FGF16: variants seen among roughly 807,000 people sequenced by gnomAD.
FGF16 encodes the protein fibroblast growth factor 16.
In FGF16, 2 loss-of-function variants were observed where a neutral mutation model predicts 8.5. The ratio of observed to expected loss-of-function variants is 0.24; its 90% confidence interval spans 0.10 to 0.75. FGF16 has a LOEUF of 0.75. FGF16 is among the 30% of genes least tolerant of loss of function. The probability of loss-of-function intolerance (pLI) is 0.74; values close to 1 mark genes in which losing one functional copy is unlikely to be tolerated. For synonymous variants in FGF16, 33 were observed against 34.6 expected (o/e 0.95, Z 0.16); for missense variants, 79 against 87.4 (o/e 0.90, Z 0.38).
chrX:77,448,284 C>G (rs2062547091), intron 1 of FGF16, among the ~76,000 whole-genome samples: 1 of 112,662 alleles, frequency 8.9e-6, no homozygotes, highest in African/African-American at 3.2e-5. Context: ...GAGCTCTCGC[C>G]TAGGAGGCCG....
chrX:77,447,593 G>A lies in FGF16; in HGVS notation c.-82G>A, dbSNP rs1327879341. The A allele has an allele frequency of 4.4e-5, 13 of 292,624 alleles. No homozygotes were observed. The highest frequency in any genetic ancestry group is 1.2e-5 in the Non-Finnish European group (2 of 167,545). 24.1% of individuals were successfully genotyped at this position (292,624 alleles called of 1,213,427 possible). A position where few individuals can be genotyped will look rare whatever the true frequency, so the allele number is the denominator to read the frequency against. ...CGCCGCCGAACCGCCCGCGCCCGCT[G>A]CGGGGAGAGGCAGTTCGCGCCCCGT... is the stretch of plus-strand genomic sequence containing the variant. On this transcript the variant is annotated 5_prime_UTR_variant, in exon 1 of 3. Coordinates refer to ENST00000439435, the MANE Select transcript of FGF16 (RefSeq NM_003868.3).
At chrX:77,454,286 T>TG in intron 2 of FGF16, 26 bp downstream of exon 2, 2 of 803,203 alleles carry the variant, frequency 2.5e-6, no homozygotes, top group Non-Finnish European at 3.4e-6. Context: ...TTTTTTTTTT[T>TG]TTTTTTTTTT....
In FGF16 at chrX:77,456,142, C is replaced by A. The variant is rs1291547675; in HGVS notation, c.379-135C>A. The A allele has an allele frequency of 1.6e-5, 9 of 553,842 alleles. No individual in the cohort carries two copies. The African/African-American group carries it at 1.8e-4, about 11-fold the overall frequency. The allele number at this position is 553,842 out of a possible 1,213,427, so 45.6% of individuals were successfully genotyped here. A position where few individuals can be genotyped will look rare whatever the true frequency, so the allele number is the denominator to read the frequency against. On this transcript the variant is annotated intron_variant, in intron 2 of 2. Transcript: ENST00000439435. ...GTGCTATTTGGAAGAAAGTTACCTC[C>A]AGTAATACAGAGAGATAGGACTGGA...
chrX:77,454,782 A>G (rs995198885), intron 2 of FGF16, among the ~76,000 whole-genome samples: 4 of 104,969 alleles, frequency 3.8e-5, no homozygotes, highest in Non-Finnish European at 7.8e-5. Context: ...GGCCCCCACC[A>G]AAACAAGCTT....
In FGF16 at chrX:77,456,722, G is replaced by A. The variant is rs1452950647; in HGVS notation, c.*200G>A. 3 of 391,477 alleles carry A rather than the reference G, an allele frequency of 7.7e-6. No homozygotes were observed. Among genetic ancestry groups the A allele is most frequent in the African/African-American group, 2.5e-5 (1 of 39,394 alleles). The allele number at this position is 391,477 out of a possible 1,213,427, so 32.3% of individuals were successfully genotyped here. ...TGGGTTATTTTGGGGAGGGATGGGG[G>A]GCTGGGCTCGAGGGAATCTTGTATA... On this transcript the variant is annotated 3_prime_UTR_variant, in exon 3 of 3. Transcript: ENST00000439435.
In FGF16 at chrX:77,447,518, A is replaced by G. The variant is rs988638596; in HGVS notation, c.-157A>G. Reference sequence around the variant, plus strand: ...TGAGAAGTTCCTTGGACGCGAACAGACGTCGACTGCAGCTCGGCAGAGCGC... The same window carrying G: ...TGAGAAGTTCCTTGGACGCGAACAGGCGTCGACTGCAGCTCGGCAGAGCGC... On this transcript the variant is annotated 5_prime_UTR_variant, in exon 1 of 3. Transcript: ENST00000439435. 17 of 281,240 alleles carry G rather than the reference A, an allele frequency of 6.0e-5. No homozygotes were observed. Among genetic ancestry groups the G allele is most frequent in the African/African-American group, 3.9e-4 (14 of 35,881 alleles). The allele number at this position is 281,240 out of a possible 1,213,427, so 23.2% of individuals were successfully genotyped here.
At chrX:77,452,173 C>A (rs2062558901) in intron 1 of FGF16, among the ~76,000 whole-genome samples, 1 of 112,121 alleles carries the variant, frequency 8.9e-6, no homozygotes, top group Non-Finnish European at 1.9e-5. Context: ...GCTGGAGCCA[C>A]TCCATTTTTC....
At chrX:77,448,122 C>A (rs2062546472) in intron 1 of FGF16, among the ~76,000 whole-genome samples, 174 bp downstream of exon 1, 1 of 113,512 alleles carries the variant, frequency 8.8e-6, no homozygotes, top group Non-Finnish European at 1.9e-5. Flanking sequence ...GGGCCCTGCA[C>A]CCTCGGACAC....
At position 77,447,427 on chromosome X, in the gene FGF16, C is replaced by A. The variant is rs901400429; in HGVS notation, c.-248C>A. ...TATGAGAGGCCGGGGGAGATGGATG[C>A]GGAGGGGAAGAGGCACTTTGACTGA... On this transcript the variant is annotated 5_prime_UTR_variant, in exon 1 of 3. Transcript: ENST00000439435. 0.24 allele frequency: 61,731 copies of A among 253,835 alleles called. 5,798 individuals carry two copies. The highest frequency in any genetic ancestry group is 0.31 in the African/African-American group (10,566 of 34,584). The allele number at this position is 253,835 out of a possible 1,213,427, so 20.9% of individuals were successfully genotyped here. A position where few individuals can be genotyped will look rare whatever the true frequency, so the allele number is the denominator to read the frequency against.
In FGF16 at chrX:77,447,687, G is replaced by A. The variant is rs1366904951; in HGVS notation, c.13G>A (p.Gly5Arg). The change falls in exon 1 of 3, where the codon GGG (glycine) becomes AGG (arginine). Residue 5 changes from glycine to arginine, a missense_variant. By Grantham distance (125) the Gly-to-Arg change is moderately radical. Transcript: ENST00000439435. The part of the protein sequence containing the change: MAEV[G>R]GVFASLDWDL... ...AATCGGCCCAGCCATGGCAGAGGTG[G>A]GGGGCGTCTTCGCCTCCTTGGACTG... The A allele has an allele frequency of 1.4e-5, 4 of 295,522 alleles. No homozygotes were observed. The highest frequency in any genetic ancestry group is 2.4e-5 in the Non-Finnish European group (4 of 169,726). The allele number at this position is 295,522 out of a possible 1,213,427, so 24.4% of individuals were successfully genotyped here.
At chrX:77,455,868 C>T (rs931094768) in intron 2 of FGF16, among the ~76,000 whole-genome samples, 6 of 111,852 alleles carry the variant, frequency 5.4e-5, no homozygotes. Flanking sequence ...TATATAGATC[C>T]GAGGCCTTTG....
In FGF16 at chrX:77,447,927, C is replaced by A; in HGVS notation, c.253C>A (p.Arg85Ser). The A allele has an allele frequency of 3.4e-6, 1 of 298,235 alleles. No individual in the cohort carries two copies. Among genetic ancestry groups the A allele is most frequent in the African/African-American group, 2.7e-5 (1 of 37,274 alleles). The allele number at this position is 298,235 out of a possible 1,213,427, so 24.6% of individuals were successfully genotyped here. ...IFPNGTVHGTRHDHSRFGILE... is the reference protein window; with the variant it reads ...IFPNGTVHGTSHDHSRFGILE... ...CCCCAACGGCACGGTGCACGGGACCCGCCACGACCACAGCCGCTTCGGTGA... is the reference window on the plus strand; with the variant it reads ...CCCCAACGGCACGGTGCACGGGACCAGCCACGACCACAGCCGCTTCGGTGA... The change falls in exon 1 of 3, where the codon CGC becomes AGC. Residue 85 changes from arginine to serine, a missense_variant. By Grantham distance (110) the Arg-to-Ser change is moderately radical (BLOSUM62 -1). Transcript: ENST00000439435.
intron 1 of FGF16, among the ~76,000 whole-genome samples, chrX:77,452,501 G>A (rs782604939): frequency 1.8e-5 from 2 of 112,570 alleles, no homozygotes; most frequent in Non-Finnish European, 3.7e-5. Flanking sequence ...AAACTTGGAG[G>A]ATTTCAGTGT....
intron 2 of FGF16, 22 bp downstream of exon 2, chrX:77,454,282 T>TG (rs1385485403): frequency 5.8e-5 from 45 of 779,909 alleles, no homozygotes; most frequent in Non-Finnish European, 7.3e-5. Flanking sequence ...GTTTTTTTTT[T>TG]TTTTTTTTTT....
chrX:77,454,362 A>C (rs781802819), intron 2 of FGF16, 102 bp downstream of exon 2: 1 of 454,979 alleles, frequency 2.2e-6, no homozygotes, highest in African/African-American at 3.3e-5. Context: ...AAAAATATTT[A>C]TCTGGGGACC....
chrX:77,447,835 C>T lies in FGF16; in HGVS notation c.161C>T (p.Ala54Val), dbSNP rs2062545775. ...KLQRGSPTDF[A>V]HLKGILRRRQ... ...CAGCGTGGCTCACCCACAGACTTCG[C>T]CCACCTAAAGGGGATCCTGCGGCGC... Residue 54 changes from alanine (A) to valine (V), a missense_variant, in exon 1 of 3, where the codon GCC becomes GTC. Physicochemically the swap from Ala to Val is moderately conservative, Grantham distance 64 (BLOSUM62 0). Transcript: ENST00000439435. The T allele has an allele frequency of 3.4e-6, 1 of 297,092 alleles. No homozygotes were observed. Among genetic ancestry groups the T allele is most frequent in the African/African-American group, 2.7e-5 (1 of 36,841 alleles). 24.5% of individuals were successfully genotyped at this position (297,092 alleles called of 1,213,427 possible). A position where few individuals can be genotyped will look rare whatever the true frequency, so the allele number is the denominator to read the frequency against.
At chrX:77,453,667 C>T (rs782217882) in intron 1 of FGF16, among the ~76,000 whole-genome samples, 2 of 111,306 alleles carry the variant, frequency 1.8e-5, no homozygotes, top group East Asian at 2.8e-4. Flanking sequence ...AGGCAGTTGA[C>T]GGCCTCATGT....
chrX:77,456,717 T>C lies in FGF16; in HGVS notation c.*195T>C. ...AAGGTTGGGTTATTTTGGGGAGGGA[T>C]GGGGGGCTGGGCTCGAGGGAATCTT... is the stretch of plus-strand genomic sequence containing the variant. On this transcript the variant is annotated 3_prime_UTR_variant, in exon 3 of 3. Transcript: ENST00000439435. 3 of 399,330 alleles carry C rather than the reference T, an allele frequency of 7.5e-6. No homozygotes were observed. Among genetic ancestry groups the C allele is most frequent in the Non-Finnish European group, 1.3e-5 (3 of 232,902 alleles). The allele number at this position is 399,330 out of a possible 1,213,427, so 32.9% of individuals were successfully genotyped here. A position where few individuals can be genotyped will look rare whatever the true frequency, so the allele number is the denominator to read the frequency against.
intron 1 of FGF16, among the ~76,000 whole-genome samples, chrX:77,451,850 C>T (rs1225749480): frequency 1.8e-5 from 2 of 112,242 alleles, no homozygotes; most frequent in African/African-American, 6.5e-5. Context: ...GATGGGTAGA[C>T]TTGCGTGTAA....
Sources: gnomAD v4.1 joint callset for allele counts (sites outside exome capture counted in the v4.1 genomes callset) on GRCh38, gnomAD v4.1.1 for gene constraint, MANE v1.5 for transcripts, NCBI Gene and HGNC (gene_info 2026-07-23, HGNC 2026-07-21) for gene names.